The following NTNG2 variants were observed in gnomAD, a reference collection of about 807,000 sequenced individuals.
The protein encoded by NTNG2 is netrin G2, also known as netrin-G2.
In NTNG2, 15 loss-of-function variants were observed where a neutral mutation model predicts 47.6. That is an observed-to-expected ratio of 0.32 (90% CI 0.21 to 0.49). The LOEUF (loss-of-function observed/expected upper bound fraction) is 0.49. Among genes scored for constraint, NTNG2 ranks in the 20% least tolerant of loss-of-function variants. The probability of loss-of-function intolerance (pLI) is 0.99; values close to 1 mark genes in which losing one functional copy is unlikely to be tolerated. For synonymous variants in NTNG2, 307 were observed against 324.6 expected (o/e 0.95, Z 0.58); for missense variants, 578 against 764.6 (o/e 0.76, Z 2.88).
intron 2 of NTNG2, among the ~76,000 whole-genome samples, chr9:132,169,759 A>G (rs1265556371): frequency 1.3e-5 from 2 of 152,210 alleles, no homozygotes; most frequent in African/African-American, 2.4e-5. Context: ...GTGCGGACAC[A>G]TAGTAGGTAC....
At chr9:132,172,989 A>T (rs1161412016) in intron 2 of NTNG2, among the ~76,000 whole-genome samples, 1 of 152,112 alleles carries the variant, frequency 6.6e-6, no homozygotes, top group Non-Finnish European at 1.5e-5. Flanking sequence ...TCAGCCTCCC[A>T]AAGTGCTGGG....
intron 3 of NTNG2, among the ~76,000 whole-genome samples, chr9:132,203,974 GA>G (rs1398965165): frequency 6.6e-6 from 1 of 152,188 alleles, no homozygotes; most frequent in African/African-American, 2.4e-5. Flanking sequence ...TGTGGGAGAT[GA>G]TGAAGGGAGG....
At chr9:132,164,144 T>C (rs1835318002) in intron 1 of NTNG2, among the ~76,000 whole-genome samples, 1 of 152,256 alleles carries the variant, frequency 6.6e-6, no homozygotes, top group Non-Finnish European at 1.5e-5. Flanking sequence ...CCCCCTGCGA[T>C]GCCAGCAACG....
chr9:132,239,326 C>G, intron 6 of NTNG2, 55 bp downstream of exon 6: 2 of 1,592,110 alleles, frequency 1.3e-6, no homozygotes, highest in Non-Finnish European at 1.7e-6. Context: ...GCAGGGTGCA[C>G]TGCCCTGCGA....
intron 2 of NTNG2, among the ~76,000 whole-genome samples, chr9:132,168,890 G>A (rs1835687685): frequency 6.6e-6 from 1 of 152,198 alleles, no homozygotes; most frequent in Non-Finnish European, 1.5e-5. Context: ...CTTGAGGTGG[G>A]GAGATGACCC....
At chr9:132,237,032 C>A (rs538708393) in intron 5 of NTNG2, among the ~76,000 whole-genome samples, 3 of 152,270 alleles carry the variant, frequency 2.0e-5, no homozygotes, top group Admixed American at 6.5e-5. Flanking sequence ...GCGTGGTGTG[C>A]AATGTGATGT....
At position 132,208,995 on chromosome 9, in the gene NTNG2, C is replaced by T. The variant is rs903529556; in HGVS notation, c.857+10386C>T. 6.6e-6 allele frequency among the ~76,000 whole-genome samples: 1 copy of T among 152,154 alleles called. No homozygotes were observed. The highest frequency in any genetic ancestry group is 2.4e-5 in the African/African-American group (1 of 41,432). On this transcript the variant is annotated intron_variant, in intron 3 of 7. Transcript: ENST00000393229. This position sits in a 1 kb window ranked among gnomAD's most constrained non-coding sequence, Gnocchi z 4.0. ...CTCACTGTGCCTCTGAGGCTTATGGCGTGGCCGCCTGCGTGGCTCGGGCTC... is the reference window on the plus strand; with the variant it reads ...CTCACTGTGCCTCTGAGGCTTATGGTGTGGCCGCCTGCGTGGCTCGGGCTC...
At chr9:132,186,182 G>C (rs955868691) in intron 2 of NTNG2, among the ~76,000 whole-genome samples, 1 of 152,164 alleles carries the variant, frequency 6.6e-6, no homozygotes, top group Non-Finnish European at 1.5e-5. Context: ...AACCCCTGTC[G>C]CTAGAGGTAT....
rs370990712 is a variant in NTNG2 at position 132,230,762 on chromosome 9, C to A, written c.1054+167C>A. 1.6e-3 allele frequency among the ~76,000 whole-genome samples: 234 copies of A among 150,182 alleles called. 1 individual carries two copies. Among genetic ancestry groups the A allele is most frequent in the African/African-American group, 5.4e-3 (221 of 40,908 alleles). ...CCCATCTGCTTCTCCACCTCTCCCCCCTCCACCTCCCCCCCTCCACCCATC... is the reference window on the plus strand; with the variant it reads ...CCCATCTGCTTCTCCACCTCTCCCCACTCCACCTCCCCCCCTCCACCCATC... On this transcript the variant is annotated intron_variant, in intron 5 of 7. Transcript: ENST00000393229.
At position 132,182,559 on chromosome 9, in the gene NTNG2, G is replaced by A. The variant is rs969569222; in HGVS notation, c.214-15407G>A. ...AGGGGGTCCTGGAGGCAGCAGCCAC[G>A]ACCTTGGGTGGACGCTGCGCCTCAT... On this transcript the variant is annotated intron_variant, in intron 2 of 7. Coordinates refer to ENST00000393229, the MANE Select transcript of NTNG2 (RefSeq NM_032536.4). This position sits in a 1 kb window ranked among gnomAD's most constrained non-coding sequence, Gnocchi z 4.2. 3.3e-5 allele frequency among the ~76,000 whole-genome samples: 5 copies of A among 152,330 alleles called. No individual in the cohort carries two copies. Among genetic ancestry groups the A allele is most frequent in the South Asian group, 2.1e-4 (1 of 4,834 alleles).
At chr9:132,179,804 G>A (rs997566259) in intron 2 of NTNG2, among the ~76,000 whole-genome samples, 3 of 152,220 alleles carry the variant, frequency 2.0e-5, no homozygotes, top group Admixed American at 6.5e-5. Context: ...TCGGTCTCCA[G>A]GGCCTCCGTC....
chr9:132,198,912 T>C (rs1460015160), intron 3 of NTNG2, among the ~76,000 whole-genome samples: 1 of 152,104 alleles, frequency 6.6e-6, no homozygotes, highest in Non-Finnish European at 1.5e-5. Context: ...GGATGTTATC[T>C]GGTACCTGGG....
intron 2 of NTNG2, among the ~76,000 whole-genome samples, chr9:132,196,150 A>G (rs1349045775): frequency 6.6e-6 from 1 of 152,002 alleles, no homozygotes; most frequent in African/African-American, 2.4e-5. Flanking sequence ...TGTGTTGTAC[A>G]GGTCTATGGG....
In NTNG2 at chr9:132,242,308, G is replaced by A. The variant is rs563131800; in HGVS notation, c.*197G>A. ...CGCAGCAGGGGCGCCTTGGGACTCC[G>A]GTCCCCGCGCCTGCGATTTGGTTTC... On this transcript the variant is annotated 3_prime_UTR_variant, in exon 8 of 8. Transcript: ENST00000393229. This position sits in a 1 kb window ranked among gnomAD's most constrained non-coding sequence, Gnocchi z 5.9. 1,203 of 188,660 alleles carry A rather than the reference G, an allele frequency of 6.4e-3. 12 individuals carry two copies. The highest frequency in any genetic ancestry group is 0.026 in the African/African-American group (1,109 of 42,054). 11.7% of individuals were successfully genotyped at this position (188,660 alleles called of 1,614,324 possible).
intron 5 of NTNG2, among the ~76,000 whole-genome samples, chr9:132,237,349 A>C (rs1258228551): frequency 6.6e-6 from 1 of 152,194 alleles, no homozygotes; most frequent in African/African-American, 2.4e-5. Flanking sequence ...GCGGCTCGGA[A>C]GCCTTTGCTG....
chr9:132,195,458 A>G (rs12005960), intron 2 of NTNG2, among the ~76,000 whole-genome samples: 14,412 of 132,918 alleles, frequency 0.11, 2,039 homozygotes, highest in African/African-American at 0.34. Context: ...ACAGGCGCCC[A>G]CCACCACGCC....
chr9:132,191,743 T>G (rs1837908777), intron 2 of NTNG2, among the ~76,000 whole-genome samples: 1 of 152,122 alleles, frequency 6.6e-6, no homozygotes, highest in South Asian at 2.1e-4. Flanking sequence ...GGCTAATTTT[T>G]TGTATTTTTT....
rs140585876 is a variant in NTNG2 at position 132,221,870 on chromosome 9, C to A, written c.858-4979C>A. Among the ~76,000 whole-genome samples the A allele has an allele frequency of 5.4e-4, 82 of 152,330 alleles. 1 individual carries two copies. The highest frequency in any genetic ancestry group is 1.9e-3 in the African/African-American group (81 of 41,588). On this transcript the variant is annotated intron_variant, in intron 3 of 7. Transcript: ENST00000393229. The surrounding 1 kb of genome is among the most constrained non-coding windows in gnomAD (Gnocchi z 4.2). ...TCTTGGATTCGGCCGGTCTTCTATG[C>A]ATCTTTACTAAGCCAAGGTCAATGT...
At chr9:132,177,511 G>C (rs1836556695) in intron 2 of NTNG2, among the ~76,000 whole-genome samples, 1 of 152,100 alleles carries the variant, frequency 6.6e-6, no homozygotes, top group Non-Finnish European at 1.5e-5. Context: ...TTATTCTTTT[G>C]CATGTGGAGA....
Sources: allele counts gnomAD v4.1 joint callset (sites outside exome capture counted in the v4.1 genomes callset), GRCh38; gene constraint gnomAD v4.1.1; non-coding constraint Gnocchi (gnomAD v3.1); transcripts MANE v1.5; gene names NCBI Gene and HGNC (gene_info 2026-07-23, HGNC 2026-07-21).